GTF2F2: variants seen among roughly 807,000 people sequenced by gnomAD.
GTF2F2 encodes general transcription factor IIF subunit 2, also known as ATP-dependent helicase GTF2F2.
A neutral mutation model predicts 42.2 loss-of-function variants in GTF2F2; 23 were observed. The observed-to-expected ratio is 0.55, with a 90% confidence interval of 0.39 to 0.77. GTF2F2 has a LOEUF of 0.77. GTF2F2 is among the 30% of genes least tolerant of loss of function. The pLI is 0.00. For missense variants in GTF2F2, 261 were observed against 287.2 expected (o/e 0.91, Z 0.66); for synonymous variants, 105 against 100.8 (o/e 1.04, Z -0.25).
chr13:45,247,067 T>A (rs1202002313), intron 5 of GTF2F2, among the ~76,000 whole-genome samples: 1 of 146,808 alleles, frequency 6.8e-6, no homozygotes, highest in East Asian at 2.0e-4. Flanking sequence ...TTAAGCTTCT[T>A]GGCTGGGCAC....
chr13:45,244,615 A>C (rs1875491241), intron 5 of GTF2F2, among the ~76,000 whole-genome samples: 1 of 152,192 alleles, frequency 6.6e-6, no homozygotes, highest in South Asian at 2.1e-4. Context: ...AATAGTAACA[A>C]AGCTATTTAA....
intron 5 of GTF2F2, 61 bp from the exon 6 acceptor site, chr13:45,252,810 A>G (rs1434818466): frequency 2.8e-6 from 2 of 714,956 alleles, no homozygotes; most frequent in Non-Finnish European, 4.8e-6. Context: ...TAGAAATAAT[A>G]ACTCTTCATA....
intron 2 of GTF2F2, among the ~76,000 whole-genome samples, chr13:45,149,433 CAAAA>C (rs34165758): frequency 8.8e-5 from 8 of 91,134 alleles, no homozygotes; most frequent in Non-Finnish European, 1.7e-4. Flanking sequence ...ACCCTGTCTC[CAAAA>C]AAAAAAAAAA....
At chr13:45,197,460 G>C (rs1197941385) in intron 4 of GTF2F2, among the ~76,000 whole-genome samples, 1 of 147,536 alleles carries the variant, frequency 6.8e-6, no homozygotes, top group Non-Finnish European at 1.5e-5. Context: ...AGTGAGTGGA[G>C]ATAGCGCCAC....
chr13:45,162,819 A>C (rs1312452714), intron 4 of GTF2F2, among the ~76,000 whole-genome samples: 1 of 152,134 alleles, frequency 6.6e-6, no homozygotes, highest in Non-Finnish European at 1.5e-5. Context: ...ACCTACAGAA[A>C]AGTATAGTGA....
At chr13:45,147,759 C>A (rs1870272815) in intron 2 of GTF2F2, among the ~76,000 whole-genome samples, 1 of 152,198 alleles carries the variant, frequency 6.6e-6, no homozygotes, top group Admixed American at 6.5e-5. Flanking sequence ...CCATTTGACT[C>A]TGGGCTGCCA....
chr13:45,147,484 T>C (rs142107231), intron 2 of GTF2F2, among the ~76,000 whole-genome samples: 495 of 152,324 alleles, frequency 3.2e-3, no homozygotes, highest in African/African-American at 0.012. Flanking sequence ...GTGAATTTAG[T>C]GCCTGCCTCA....
At chr13:45,162,514 A>G (rs1050536986) in intron 4 of GTF2F2, among the ~76,000 whole-genome samples, 2 of 152,196 alleles carry the variant, frequency 1.3e-5, no homozygotes, top group African/African-American at 4.8e-5. Flanking sequence ...GACTGCAGAG[A>G]TTTAGTTTTG....
In GTF2F2 at chr13:45,120,596, C is replaced by A; in HGVS notation, c.-60C>A. The stretch of plus-strand genomic sequence containing the variant: ...TCCTTTGTTCCGGACGCCCGCTCCT[C>A]AGCCCTGCGGCTCCTGGGGTCGCTG... On this transcript the variant is annotated 5_prime_UTR_variant, in exon 1 of 8. Transcript: ENST00000340473. 7.7e-7 allele frequency: 1 copy of A among 1,297,582 alleles called. No homozygotes were observed. The highest frequency in any genetic ancestry group is 1.1e-6 in the Non-Finnish European group (1 of 916,988). The allele number at this position is 1,297,582 out of a possible 1,614,324, so 80.4% of individuals were successfully genotyped here. A position where few individuals can be genotyped will look rare whatever the true frequency, so the allele number is the denominator to read the frequency against.
chr13:45,220,309 G>T (rs1874054906), intron 5 of GTF2F2, among the ~76,000 whole-genome samples: 1 of 152,030 alleles, frequency 6.6e-6, no homozygotes, highest in Non-Finnish European at 1.5e-5. Flanking sequence ...TTTAACAGAT[G>T]TTTACTGAGC....
chr13:45,238,358 T>C (rs17066544), intron 5 of GTF2F2, among the ~76,000 whole-genome samples: 1,816 of 152,316 alleles, frequency 0.012, 30 homozygotes, highest in African/African-American at 0.037. Flanking sequence ...CACTTGGTCA[T>C]GTATTGAGGA....
intron 4 of GTF2F2, among the ~76,000 whole-genome samples, chr13:45,176,789 TTTC>T (rs746493421): frequency 1.2e-4 from 18 of 152,184 alleles, no homozygotes; most frequent in Non-Finnish European, 2.6e-4. Context: ...TTCTTTTTCT[TTTC>T]TTCTTTTTTT....
At chr13:45,218,130 G>T (rs986444808) in intron 5 of GTF2F2, among the ~76,000 whole-genome samples, 2 of 152,146 alleles carry the variant, frequency 1.3e-5, no homozygotes, top group Admixed American at 1.3e-4. Context: ...TTAAGGAATC[G>T]TTTTAGTTTG....
At chr13:45,167,063 C>T (rs377100359) in intron 4 of GTF2F2, among the ~76,000 whole-genome samples, 1 of 151,152 alleles carries the variant, frequency 6.6e-6, no homozygotes, top group African/African-American at 2.4e-5. Context: ...TGAAAGACTG[C>T]TCTGTTTAAA....
intron 6 of GTF2F2, among the ~76,000 whole-genome samples, chr13:45,264,439 G>A (rs1282212038): frequency 1.3e-5 from 2 of 151,754 alleles, no homozygotes; most frequent in Admixed American, 6.6e-5. Flanking sequence ...GTGCCACCAC[G>A]CCCAGCTAAT....
intron 5 of GTF2F2, among the ~76,000 whole-genome samples, chr13:45,225,602 G>C (rs1430691468): frequency 1.5e-5 from 2 of 135,280 alleles, no homozygotes; most frequent in Non-Finnish European, 3.0e-5. Flanking sequence ...CAGGAGTGAA[G>C]CTCTGTCTCA....
chr13:45,222,710 C>G (rs1172598850), intron 5 of GTF2F2, among the ~76,000 whole-genome samples: 1 of 152,174 alleles, frequency 6.6e-6, no homozygotes, highest in Non-Finnish European at 1.5e-5. Context: ...ATAACAGACA[C>G]TCAGGAATGA....
chr13:45,220,967 G>A (rs1460162326), intron 5 of GTF2F2: 1 of 149,394 alleles, frequency 6.7e-6, no homozygotes, highest in Non-Finnish European at 1.5e-5. Context: ...GTGTGTGTGT[G>A]TCTGTGTGTG....
At chr13:45,220,691 G>T (rs1874071198) in intron 5 of GTF2F2, among the ~76,000 whole-genome samples, 2 of 152,070 alleles carry the variant, frequency 1.3e-5, no homozygotes, top group Non-Finnish European at 2.9e-5. Context: ...GAATTGCCTG[G>T]TCGGTTGGGC....
Sources: gnomAD v4.1 joint callset for allele counts (sites outside exome capture counted in the v4.1 genomes callset) on GRCh38, gnomAD v4.1.1 for gene constraint, MANE v1.5 for transcripts, NCBI Gene and HGNC (gene_info 2026-07-23, HGNC 2026-07-21) for gene names.